POLA1: variants seen among roughly 807,000 people sequenced by gnomAD.
The protein encoded by POLA1 is DNA polymerase alpha catalytic subunit.
Under a neutral mutation model 124.0 loss-of-function variants are expected in POLA1, and 15 were observed. The ratio of observed to expected loss-of-function variants is 0.12; its 90% CI spans 0.08 to 0.19. POLA1 has a LOEUF of 0.19. POLA1 is among the 10% of genes least tolerant of loss of function. The pLI is 1.00. For missense variants in POLA1, 886 were observed against 1,103.4 expected (o/e 0.80, Z 2.79); for synonymous variants, 408 against 389.4 (o/e 1.05, Z -0.56).
rs1489104025 is a variant in POLA1 at position 24,815,081 on chromosome X, T to C, written c.3399T>C (p.Ser1133=). Residue 1133 remains serine (S), a synonymous_variant, in exon 30 of 37, where the codon AGT becomes AGC. Transcript: ENST00000379068. ...IEIGENVLNG[S]VPVSQFEINK... ...TTGGAGAAAATGTGCTAAATGGCAG[T>C]GTCCCAGTGAGCCAGTTTGAAATTA... The C allele has an allele frequency of 2.5e-6, 3 of 1,202,053 alleles. No homozygotes were observed. Among genetic ancestry groups the C allele is most frequent in the Non-Finnish European group, 3.4e-6 (3 of 890,524 alleles).
At chrX:24,970,926 A>G (rs1156252583) in intron 36 of POLA1, among the ~76,000 whole-genome samples, 2 of 112,302 alleles carry the variant, frequency 1.8e-5, no homozygotes, top group Non-Finnish European at 3.8e-5. Context: ...GGTCAAAAAC[A>G]CAAGAAACGA....
intron 26 of POLA1, among the ~76,000 whole-genome samples, chrX:24,796,314 G>T (rs1235567159): frequency 9.0e-6 from 1 of 111,298 alleles, no homozygotes; most frequent in Admixed American, 9.5e-5. Flanking sequence ...TTGTTCAGAG[G>T]CTTAATACAA....
At chrX:24,803,218 G>A (rs754837710) in intron 26 of POLA1, among the ~76,000 whole-genome samples, 2 of 110,842 alleles carry the variant, frequency 1.8e-5, no homozygotes, top group Non-Finnish European at 3.8e-5. Flanking sequence ...CTCAACCGGT[G>A]CAGTTTTGCT....
intron 26 of POLA1, among the ~76,000 whole-genome samples, chrX:24,793,365 T>G (rs2045546717): frequency 9.2e-6 from 1 of 109,011 alleles, no homozygotes; most frequent in Non-Finnish European, 1.9e-5. Flanking sequence ...GGATGAGGTT[T>G]CAAGAAGACA....
In POLA1 at chrX:24,710,093, C is replaced by G. The variant is rs1421754294; in HGVS notation, c.347-4461C>G. ...GCCCGTCCGCTCCTCCAGCCGCTGC[C>G]TCCCGGGCGGCGCTCGCCGGCGCCT... On this transcript the variant is annotated intron_variant, in intron 4 of 36. Coordinates refer to ENST00000379068, the MANE Select transcript of POLA1 (RefSeq NM_001330360.2). Among the ~76,000 whole-genome samples, 9 of 97,454 alleles carry G rather than the reference C, an allele frequency of 9.2e-5. No homozygotes were observed. The Admixed American group carries it at 1.0e-3, about 11-fold the overall frequency. 84.6% of individuals were successfully genotyped at this position (97,454 alleles called of 115,157 possible).
At chrX:24,743,568 CAT>C (rs1235251920) in intron 23 of POLA1, among the ~76,000 whole-genome samples, 3 of 112,245 alleles carry the variant, frequency 2.7e-5, no homozygotes, top group Admixed American at 9.4e-5. Context: ...ATTTAAATTT[CAT>C]ATAGTTTTCA....
chrX:24,917,121 G>A (rs1405417307), intron 35 of POLA1, among the ~76,000 whole-genome samples: 2 of 110,827 alleles, frequency 1.8e-5, no homozygotes, highest in Admixed American at 1.9e-4. Flanking sequence ...GTGAAACCCC[G>A]TCTCTACTAA....
At chrX:24,777,337 T>C (rs190397906) in intron 26 of POLA1, among the ~76,000 whole-genome samples, 1 of 112,662 alleles carries the variant, frequency 8.9e-6, no homozygotes, top group East Asian at 2.8e-4. Flanking sequence ...CAACTAACTT[T>C]GGTGTGTAGG....
At chrX:24,863,074 T>C (rs1372342518) in intron 34 of POLA1, among the ~76,000 whole-genome samples, 1 of 112,313 alleles carries the variant, frequency 8.9e-6, no homozygotes, top group African/African-American at 3.2e-5. Context: ...TTTGTCCTAC[T>C]TTTATCCTTT....
Position 24,742,044 on chromosome X carries a change from T to G in POLA1, c.2389T>G (p.Leu797Val), listed in dbSNP as rs747748000. Residue 797 changes from leucine to valine, a missense_variant, in exon 22 of 37, where the codon TTG becomes GTG. Coordinates refer to ENST00000379068, the MANE Select transcript of POLA1 (RefSeq NM_001330360.2). ...MGGRSERNEF[L>V]LLHAFYENNY... ...TGGACGATCCGAGCGTAACGAGTTC[T>G]TGTTGCTTCATGCATTTTACGAAAA... 8 of 1,202,380 alleles carry G rather than the reference T, an allele frequency of 6.7e-6. No individual in the cohort carries two copies. The South Asian group carries it at 8.9e-5, about 13-fold the overall frequency.
Position 24,713,507 on chromosome X carries a change from C to T in POLA1, c.347-1047C>T, listed in dbSNP as rs190470697. On this transcript the variant is annotated intron_variant, in intron 4 of 36. Transcript: ENST00000379068. ...TCCCAGCTCACTGCAATCTCGCCTC[C>T]GGGGTTCAAGCGATTTCCCTGCCTC... is the stretch of plus-strand genomic sequence containing the variant. Among the ~76,000 whole-genome samples, 117 of 111,218 alleles carry T rather than the reference C, an allele frequency of 1.1e-3. 1 individual carries two copies. The East Asian group carries it at 0.022, about 21-fold the overall frequency.
At chrX:24,785,938 T>C (rs894891253) in intron 26 of POLA1, among the ~76,000 whole-genome samples, 11 of 112,730 alleles carry the variant, frequency 9.8e-5, no homozygotes, top group Non-Finnish European at 1.9e-4. Flanking sequence ...ATTCCACATA[T>C]AAGTTACATC....
At chrX:24,771,762 A>C (rs1311648576) in intron 26 of POLA1, among the ~76,000 whole-genome samples, 1 of 111,955 alleles carries the variant, frequency 8.9e-6, no homozygotes, top group Non-Finnish European at 1.9e-5. Flanking sequence ...ATTAGGCTTA[A>C]ATTAGCACAT....
At chrX:24,968,944 C>T (rs754416507) in intron 36 of POLA1, among the ~76,000 whole-genome samples, 48 of 111,115 alleles carry the variant, frequency 4.3e-4, no homozygotes, top group African/African-American at 1.5e-3. Context: ...TGCGGTGGCT[C>T]GCGCATGTAA....
rs749255466 is a variant in POLA1, at chrX:24,814,957, GT to G, written c.3297-5del. The G allele has an allele frequency of 0.088, 67,181 of 760,956 alleles. No homozygotes were observed. The highest frequency in any genetic ancestry group is 0.14 in the Middle Eastern group (352 of 2,562). 62.7% of individuals were successfully genotyped at this position (760,956 alleles called of 1,213,427 possible). A position where few individuals can be genotyped will look rare whatever the true frequency, so the allele number is the denominator to read the frequency against. ...AAAAATCAACTGCTGTCTTTGTTTTGTTTTTTTTTTTTTTTTTGCAGCTTTG... is the reference window on the plus strand; with the variant it reads ...AAAAATCAACTGCTGTCTTTGTTTTGTTTTTTTTTTTTTTTTGCAGCTTTG... On this transcript the variant is annotated intron_variant, in intron 29 of 36. Transcript: ENST00000379068.
At chrX:24,950,288 C>T (rs1732544224) in intron 36 of POLA1, among the ~76,000 whole-genome samples, 1 of 111,829 alleles carries the variant, frequency 8.9e-6, no homozygotes, top group African/African-American at 3.3e-5. Context: ...CTGTGCTGTC[C>T]AGTGCTGTAG....
At chrX:24,828,009 A>G (rs1489157439) in intron 32 of POLA1, among the ~76,000 whole-genome samples, 1 of 111,343 alleles carries the variant, frequency 9.0e-6, no homozygotes, top group African/African-American at 3.3e-5. Flanking sequence ...CATCGTCACT[A>G]CCCCGTCAAT....
At chrX:24,838,233 C>T (rs927496254) in intron 32 of POLA1, among the ~76,000 whole-genome samples, 2 of 111,484 alleles carry the variant, frequency 1.8e-5, no homozygotes, top group African/African-American at 3.3e-5. Flanking sequence ...GATCCTGTTG[C>T]CAAAATAATG....
At chrX:24,721,790 T>C (rs1930217713) in intron 10 of POLA1, among the ~76,000 whole-genome samples, 1 of 112,163 alleles carries the variant, frequency 8.9e-6, no homozygotes, top group African/African-American at 3.2e-5. Context: ...TTGCATGAAG[T>C]GTGATATTAG....
Sources: allele counts gnomAD v4.1 joint callset (sites outside exome capture counted in the v4.1 genomes callset), GRCh38; gene constraint gnomAD v4.1.1; transcripts MANE v1.5; gene names NCBI Gene and HGNC (gene_info 2026-07-23, HGNC 2026-07-21).